Variants in ARHGEF15 observed in about 807,000 individuals in gnomAD.
ARHGEF15 encodes Rho guanine nucleotide exchange factor (GEF) 15.
ARHGEF15 carries 58 observed loss-of-function variants against 79.7 expected under a neutral mutation model. That is an observed-to-expected ratio of 0.73 (90% CI 0.59 to 0.91). The LOEUF is 0.91. Among genes scored for constraint, ARHGEF15 ranks in the 40% least tolerant of loss-of-function variants. The probability of loss-of-function intolerance (pLI) is 0.00; values close to 1 mark genes in which losing one functional copy is unlikely to be tolerated. For synonymous variants in ARHGEF15, 442 were observed against 456.0 expected (o/e 0.97, Z 0.39); for missense variants, 1,012 against 1,108.1 (o/e 0.91, Z 1.23).
chr17:8,315,281 G>T lies in ARHGEF15; in HGVS notation c.1260+4G>T. ...CCAGGAGAGGCGCATGCAGGAGGTG[G>T]GAGCTGGAGGTGGGAGATGGGAGGG... On this transcript the variant is annotated splice_donor_region_variant and intron_variant, in intron 6 of 15. Coordinates refer to ENST00000361926, the MANE Select transcript of ARHGEF15 (RefSeq NM_173728.4). The surrounding 1 kb of genome is among the most constrained non-coding windows in gnomAD (Gnocchi z 4.3). 6.2e-7 allele frequency: 1 copy of T among 1,612,698 alleles called. No individual in the cohort carries two copies.
chr17:8,311,606 C>T (rs527631197), intron 1 of ARHGEF15, among the ~76,000 whole-genome samples: 3 of 152,166 alleles, frequency 2.0e-5, no homozygotes, highest in Middle Eastern at 3.4e-3. Flanking sequence ...CAGACCCAGA[C>T]AGCGCAGAAC....
chr17:8,314,880 A>G (rs753630894), intron 4 of ARHGEF15, 26 bp from the exon 5 acceptor site: 2 of 1,612,238 alleles, frequency 1.2e-6, no homozygotes, highest in Non-Finnish European at 1.7e-6. Context: ...GGCCCTGGGG[A>G]CTTCCTTCCC....
At chr17:8,311,931 C>T in intron 1 of ARHGEF15, 60 bp from the exon 2 acceptor site, 1 of 1,236,550 alleles carries the variant, frequency 8.1e-7, no homozygotes, top group Non-Finnish European at 1.1e-6. Context: ...TTCCAGTGGC[C>T]CCAGTTTACC....
intron 1 of ARHGEF15, among the ~76,000 whole-genome samples, chr17:8,311,336 G>A (rs1402798952): frequency 6.6e-6 from 1 of 152,070 alleles, no homozygotes; most frequent in African/African-American, 2.4e-5. Context: ...GCTGTGCTGG[G>A]CCTCTCTCTG....
intron 9 of ARHGEF15, among the ~76,000 whole-genome samples, chr17:8,316,456 C>T (rs1905035345): frequency 6.6e-6 from 1 of 152,210 alleles, no homozygotes; most frequent in African/African-American, 2.4e-5. Context: ...CAAGTCCCTT[C>T]TGCTCGCTGG....
In ARHGEF15 at chr17:8,315,588, C is replaced by A; in HGVS notation, c.1421+14C>A. On this transcript the variant is annotated intron_variant, in intron 7 of 15. Coordinates refer to ENST00000361926, the MANE Select transcript of ARHGEF15 (RefSeq NM_173728.4). The surrounding 1 kb of genome is among the most constrained non-coding windows in gnomAD (Gnocchi z 4.3). ...AGTCAGCGAGCGGTCAGTGGCTTTCCGTCCTTCCAGGGAACCTGCCCTTAG... is the reference window on the plus strand; with the variant it reads ...AGTCAGCGAGCGGTCAGTGGCTTTCAGTCCTTCCAGGGAACCTGCCCTTAG... 1 of 1,606,300 alleles carries A rather than the reference C, an allele frequency of 6.2e-7. No individual in the cohort carries two copies. The highest frequency in any genetic ancestry group is 8.5e-7 in the Non-Finnish European group (1 of 1,179,858).
chr17:8,315,969 T>C lies in ARHGEF15; in HGVS notation c.1575-50T>C, dbSNP rs982250795. ...GGGATGGGACCGAGGCCACAGCAGG[T>C]TGGGGCACCAGGGCCTCCAGGCAGC... On this transcript the variant is annotated intron_variant, in intron 8 of 15. Coordinates refer to ENST00000361926, the MANE Select transcript of ARHGEF15 (RefSeq NM_173728.4). This position sits in a 1 kb window ranked among gnomAD's most constrained non-coding sequence, Gnocchi z 4.3. 11 of 1,599,496 alleles carry C rather than the reference T, an allele frequency of 6.9e-6. No individual in the cohort carries two copies. Among genetic ancestry groups the C allele is most frequent in the East Asian group, 2.2e-5 (1 of 44,794 alleles).
chr17:8,311,978 C>G lies in ARHGEF15; in HGVS notation c.-49-13C>G. On this transcript the variant is annotated splice_polypyrimidine_tract_variant and intron_variant, in intron 1 of 15. Transcript: ENST00000361926. ...GCACTAAGGGTCTTTCTCTTTCCCT[C>G]CCTCCTCCTCAGGGGATGACTCCAG... 1 of 1,461,750 alleles carries G rather than the reference C, an allele frequency of 6.8e-7. No homozygotes were observed. Among genetic ancestry groups the G allele is most frequent in the Non-Finnish European group, 9.0e-7 (1 of 1,105,494 alleles). 90.5% of individuals were successfully genotyped at this position (1,461,750 alleles called of 1,614,324 possible). A position where few individuals can be genotyped will look rare whatever the true frequency, so the allele number is the denominator to read the frequency against.
chr17:8,319,266 G>C (rs1905222106), intron 13 of ARHGEF15, 46 bp from the exon 14 acceptor site: 1 of 1,608,770 alleles, frequency 6.2e-7, no homozygotes, highest in Admixed American at 1.7e-5. Context: ...CTCAGCCCCA[G>C]AGGATCTTTT....
Position 8,320,940 on chromosome 17 carries a change from C to T in ARHGEF15, c.2473C>T (p.Leu825Phe), listed in dbSNP as rs1905346368. The T allele has an allele frequency of 6.2e-7, 1 of 1,613,928 alleles. No individual in the cohort carries two copies. Among genetic ancestry groups the T allele is most frequent in the Admixed American group, 1.7e-5 (1 of 60,000 alleles). The change falls in exon 16 of 16, where the codon CTT (leucine) becomes TTT (phenylalanine). Residue 825 changes from leucine to phenylalanine, a missense_variant. This residue lies in a region of ARHGEF15 where 132 missense variants were observed against 124.2 expected (regional missense o/e 1.06). Coordinates refer to ENST00000361926, the MANE Select transcript of ARHGEF15 (RefSeq NM_173728.4). ...GAGGCACCTTCGCCAGAACCAGAGG[C>T]TTCTCGAGGCTGTTGGATCTTCTTC... is the stretch of plus-strand genomic sequence containing the variant. The part of the protein sequence containing the change: ...RRRHLRQNQR[L>F]LEAVGSSSGT...
chr17:8,312,467 C>A lies in ARHGEF15; in HGVS notation c.428C>A (p.Ser143Tyr), dbSNP rs1412629160. ...GCTGGAGTCCTGGCTCAGAATGGCT[C>A]TGCCTCAGCTCCTGGCACTGTGCGG... ...PMAGVLAQNG[S>Y]ASAPGTVRRL... The change falls in exon 2 of 16, where the codon TCT becomes TAT. Residue 143 changes from serine (S) to tyrosine (Y), a missense_variant. By Grantham distance (144) the Ser-to-Tyr change is moderately radical. Around this residue, in one of 3 missense-constraint regions of ARHGEF15, gnomAD observed 818 missense variants for 882.5 expected, o/e 0.93. Transcript: ENST00000361926. 2 of 1,613,716 alleles carry A rather than the reference C, an allele frequency of 1.2e-6. No homozygotes were observed. The highest frequency in any genetic ancestry group is 1.7e-6 in the Non-Finnish European group (2 of 1,179,952).
At position 8,315,509 on chromosome 17, in the gene ARHGEF15, G is replaced by A. The variant is rs1904960140; in HGVS notation, c.1356G>A (p.Thr452=). Residue 452 remains threonine, a synonymous_variant, in exon 7 of 16, where the codon ACG becomes ACA. Transcript: ENST00000361926. The surrounding 1 kb of genome is among the most constrained non-coding windows in gnomAD (Gnocchi z 4.3). Reference sequence around the variant, plus strand: ...TGCTGAGCCAGGCACTCCGGGACACGCTCACCCCCCGTGATCACCACACAC... The same window carrying A: ...TGCTGAGCCAGGCACTCCGGGACACACTCACCCCCCGTGATCACCACACAC... The part of the protein sequence containing the change: ...TFVLSQALRD[T]LTPRDHHTLF... The A allele has an allele frequency of 1.2e-6, 2 of 1,612,676 alleles. No individual in the cohort carries two copies. Among genetic ancestry groups the A allele is most frequent in the Non-Finnish European group, 8.5e-7 (1 of 1,179,990 alleles).
chr17:8,317,504 T>C (rs551278036), intron 9 of ARHGEF15, among the ~76,000 whole-genome samples: 55 of 152,286 alleles, frequency 3.6e-4, no homozygotes, highest in African/African-American at 1.3e-3. Context: ...ATAATAATAA[T>C]GATACTAATC....
intron 13 of ARHGEF15, 45 bp downstream of exon 13, chr17:8,319,204 G>T: frequency 6.2e-7 from 1 of 1,607,218 alleles, no homozygotes; most frequent in Non-Finnish European, 8.5e-7. Flanking sequence ...ACACTTATCT[G>T]ACCTCTCAGA....
chr17:8,321,239 G>T lies in ARHGEF15; in HGVS notation c.*246G>T. On this transcript the variant is annotated 3_prime_UTR_variant, in exon 16 of 16. Transcript: ENST00000361926. Reference sequence around the variant, plus strand: ...AGAGGCTTAGTGCAGAGCAGCCAATGGGTACTGAGCTGGCTGAGCCTATGG... The same window carrying T: ...AGAGGCTTAGTGCAGAGCAGCCAATTGGTACTGAGCTGGCTGAGCCTATGG... 1.9e-6 allele frequency: 1 copy of T among 539,090 alleles called. No homozygotes were observed. The highest frequency in any genetic ancestry group is 3.2e-5 in the Admixed American group (1 of 31,406). 33.4% of individuals were successfully genotyped at this position (539,090 alleles called of 1,614,324 possible). A position where few individuals can be genotyped will look rare whatever the true frequency, so the allele number is the denominator to read the frequency against.
chr17:8,317,412 T>C (rs1412363408), intron 9 of ARHGEF15, among the ~76,000 whole-genome samples: 1 of 152,186 alleles, frequency 6.6e-6, no homozygotes, highest in African/African-American at 2.4e-5. Flanking sequence ...TGAGGGGATC[T>C]TTATGTGAAG....
rs1258134137 is a variant in ARHGEF15, at chr17:8,315,848, G to A, written c.1515G>A (p.Ser505=). Residue 505 remains serine, a synonymous_variant, in exon 8 of 16, where the codon TCG becomes TCA. Coordinates refer to ENST00000361926, the MANE Select transcript of ARHGEF15 (RefSeq NM_173728.4). This position sits in a 1 kb window ranked among gnomAD's most constrained non-coding sequence, Gnocchi z 4.3. ...VVHAHAVGPF[S]VYVDYVRNQQ... ...ATGCCCACGCTGTGGGGCCTTTCTC[G>A]GTGTATGTGGATTATGTGCGGAACC... is the stretch of plus-strand genomic sequence containing the variant. 7 of 1,612,458 alleles carry A rather than the reference G, an allele frequency of 4.3e-6. No homozygotes were observed. The highest frequency in any genetic ancestry group is 4.2e-6 in the Non-Finnish European group (5 of 1,180,002).
In ARHGEF15 at chr17:8,312,482, G is replaced by A; in HGVS notation, c.443G>A (p.Gly148Asp). The stretch of plus-strand genomic sequence containing the variant: ...CAGAATGGCTCTGCCTCAGCTCCTG[G>A]CACTGTGCGGAGGCTGGCTGGCAGG... ...LAQNGSASAPGTVRRLAGRFE... is the reference protein window; with the variant it reads ...LAQNGSASAPDTVRRLAGRFE... Residue 148 changes from glycine to aspartate, a missense_variant, in exon 2 of 16, where the codon GGC becomes GAC. Coordinates refer to ENST00000361926, the MANE Select transcript of ARHGEF15 (RefSeq NM_173728.4). 2.5e-6 allele frequency: 4 copies of A among 1,613,550 alleles called. No individual in the cohort carries two copies. Among genetic ancestry groups the A allele is most frequent in the Non-Finnish European group, 3.4e-6 (4 of 1,179,864 alleles).
intron 9 of ARHGEF15, among the ~76,000 whole-genome samples, chr17:8,317,886 G>A (rs1905129814): frequency 1.3e-5 from 2 of 152,092 alleles, no homozygotes; most frequent in Non-Finnish European, 2.9e-5. Context: ...GGCCAACATG[G>A]TGAAACCCCG....
Sources: allele counts gnomAD v4.1 joint callset (sites outside exome capture counted in the v4.1 genomes callset), GRCh38; gene constraint gnomAD v4.1.1; regional missense constraint gnomAD v4.1.1; non-coding constraint Gnocchi (gnomAD v3.1); transcripts MANE v1.5; gene names NCBI Gene and HGNC (gene_info 2026-07-23, HGNC 2026-07-21).